The following FAM234B variants were observed in gnomAD, a reference collection of about 807,000 sequenced individuals.
The protein encoded by FAM234B is protein FAM234B.
Under a neutral mutation model 69.3 loss-of-function variants are expected in FAM234B, and 33 were observed. That is an observed-to-expected ratio of 0.48 (90% confidence interval 0.36 to 0.64). FAM234B has a LOEUF of 0.64. Among genes scored for constraint, FAM234B ranks in the 30% least tolerant of loss-of-function variants. The pLI, the probability that FAM234B is intolerant of heterozygous loss-of-function variation, is 0.00. For synonymous variants in FAM234B, 306 were observed against 306.9 expected (o/e 1.00, Z 0.03); for missense variants, 697 against 769.7 (o/e 0.91, Z 1.12).
rs139738564 is a variant in FAM234B at position 13,061,759 on chromosome 12, G to A, written c.717G>A (p.Thr239=). The part of the protein sequence containing the change: ...THKMLSAFNA[T]SGKAIWTLNP... ...AGATGCTCAGCGCATTCAATGCAACGTCAGGTAAATACCATTTACCACAAA... is the reference window on the plus strand; with the variant it reads ...AGATGCTCAGCGCATTCAATGCAACATCAGGTAAATACCATTTACCACAAA... The change falls in exon 4 of 13, where the codon ACG becomes ACA. Residue 239 remains threonine, a synonymous_variant. Coordinates refer to ENST00000197268, the MANE Select transcript of FAM234B (RefSeq NM_020853.2). The A allele has an allele frequency of 2.2e-4, 359 of 1,613,488 alleles. No individual in the cohort carries two copies. In the African/African-American group the frequency reaches 2.7e-3, roughly 12 times the overall value.
intron 3 of FAM234B, among the ~76,000 whole-genome samples, chr12:13,059,822 C>T (rs1367877418): frequency 1.3e-5 from 2 of 152,146 alleles, no homozygotes; most frequent in African/African-American, 4.8e-5. Context: ...CTGCCCGTGA[C>T]TTCTGAAGTA....
intron 9 of FAM234B, among the ~76,000 whole-genome samples, chr12:13,070,262 G>A (rs900734172): frequency 6.7e-6 from 1 of 149,290 alleles, no homozygotes; most frequent in African/African-American, 2.5e-5. Flanking sequence ...AGTGTCTCTA[G>A]ACTTCTCTTT....
chr12:13,055,974 C>A (rs537776416), intron 2 of FAM234B, 28 bp downstream of exon 2: 2 of 1,511,250 alleles, frequency 1.3e-6, no homozygotes, highest in East Asian at 2.3e-5. Flanking sequence ...CAGCCCTAAT[C>A]CTGTGAAACT....
chr12:13,077,318 G>A (rs1435366010), intron 11 of FAM234B, among the ~76,000 whole-genome samples: 2 of 151,498 alleles, frequency 1.3e-5, no homozygotes, highest in African/African-American at 4.9e-5. Flanking sequence ...TGTGCACAAT[G>A]TGCAGGTTAG....
chr12:13,059,651 G>C (rs1316957322), intron 3 of FAM234B, among the ~76,000 whole-genome samples: 1 of 152,148 alleles, frequency 6.6e-6, no homozygotes, highest in Non-Finnish European at 1.5e-5. Context: ...ACATGTCTAG[G>C]TGTGTTTTAG....
intron 9 of FAM234B, among the ~76,000 whole-genome samples, chr12:13,069,195 G>C (rs1010769992): frequency 1.3e-5 from 2 of 152,190 alleles, no homozygotes; most frequent in African/African-American, 4.8e-5. Context: ...CCCAGAGACA[G>C]AAAGGATAGA....
rs375966263 is a variant in FAM234B at position 13,080,612 on chromosome 12, T to G, written c.1864-13T>G. ...TGAAAAACAATAAAGTCACGATAAC[T>G]CTTTTTCCATAGATCTAATCTGATG... On this transcript the variant is annotated splice_polypyrimidine_tract_variant and intron_variant, in intron 12 of 12. Coordinates refer to ENST00000197268, the MANE Select transcript of FAM234B (RefSeq NM_020853.2). 1 of 1,603,890 alleles carries G rather than the reference T, an allele frequency of 6.2e-7. No individual in the cohort carries two copies. The highest frequency in any genetic ancestry group is 8.5e-7 in the Non-Finnish European group (1 of 1,170,844).
chr12:13,076,290 C>T (rs1865159875), intron 11 of FAM234B, 147 bp downstream of exon 11: 1 of 683,720 alleles, frequency 1.5e-6, no homozygotes, highest in East Asian at 2.7e-5. Context: ...TCCCTGGTGC[C>T]TCTTTGCTGG....
At chr12:13,058,355 C>T in intron 2 of FAM234B, 96 bp from the exon 3 acceptor site, 1 of 921,402 alleles carries the variant, frequency 1.1e-6, no homozygotes, top group South Asian at 1.3e-5. Context: ...AGTCGAGGAA[C>T]TGGAGTCTGC....
rs1034078982 is a variant in FAM234B, at chr12:13,044,870, C to G, written c.37+430C>G. 3.3e-5 allele frequency among the ~76,000 whole-genome samples: 5 copies of G among 152,218 alleles called. No homozygotes were observed. Among genetic ancestry groups the G allele is most frequent in the African/African-American group, 1.2e-4 (5 of 41,456 alleles). On this transcript the variant is annotated intron_variant, in intron 1 of 12. Transcript: ENST00000197268. The surrounding 1 kb of genome is among the most constrained non-coding windows in gnomAD (Gnocchi z 5.6). ...GCGAGTGGCCCTCTGTGGATCATCCCCTCCACCTAACGGCAGCAACGACGC... is the reference window on the plus strand; with the variant it reads ...GCGAGTGGCCCTCTGTGGATCATCCGCTCCACCTAACGGCAGCAACGACGC...
chr12:13,056,479 T>C (rs935036778), intron 2 of FAM234B, among the ~76,000 whole-genome samples: 7 of 152,186 alleles, frequency 4.6e-5, no homozygotes, highest in African/African-American at 1.7e-4. Context: ...CTTTTTGGAG[T>C]AGGCTTCTTT....
chr12:13,077,017 G>A (rs1865169565), intron 11 of FAM234B, among the ~76,000 whole-genome samples: 1 of 152,166 alleles, frequency 6.6e-6, no homozygotes, highest in African/African-American at 2.4e-5. Context: ...GCTGCAGCTG[G>A]TGTTTGTAGC....
intron 1 of FAM234B, among the ~76,000 whole-genome samples, chr12:13,045,342 T>G (rs767589435): frequency 6.6e-6 from 1 of 152,210 alleles, no homozygotes; most frequent in Non-Finnish European, 1.5e-5. Flanking sequence ...TTAGAAAAAT[T>G]GATGGCTCTA....
chr12:13,052,161 T>G (rs938036919), intron 1 of FAM234B, among the ~76,000 whole-genome samples: 2 of 152,158 alleles, frequency 1.3e-5, no homozygotes, highest in Non-Finnish European at 2.9e-5. Flanking sequence ...AAATTAAAAC[T>G]AGGACAGATA....
chr12:13,055,438 G>C lies in FAM234B; in HGVS notation c.38-113G>C, dbSNP rs1012255242. ...AAGGTTCAAACTTGATGTAAACCTG[G>C]ATTTTTTTGTTTTAGTTTTCCGTGT... On this transcript the variant is annotated intron_variant, in intron 1 of 12. Coordinates refer to ENST00000197268, the MANE Select transcript of FAM234B (RefSeq NM_020853.2). 5.2e-5 allele frequency: 56 copies of C among 1,080,684 alleles called. No individual in the cohort carries two copies. In the African/African-American group the frequency reaches 8.2e-4, roughly 16 times the overall value. 66.9% of individuals were successfully genotyped at this position (1,080,684 alleles called of 1,614,324 possible). A position where few individuals can be genotyped will look rare whatever the true frequency, so the allele number is the denominator to read the frequency against.
chr12:13,055,944 G>T lies in FAM234B; in HGVS notation c.431G>T (p.Gly144Val). The change falls in exon 2 of 13, where the codon GGA becomes GTA. Residue 144 changes from glycine (G) to valine (V), a missense_variant and splice_region_variant. Gly to Val is a moderately radical substitution (Grantham distance 109, BLOSUM62 -3). Transcript: ENST00000197268. ...TGGAGCCGCCACTTGGGCTCCCAGG[G>T]AGGTGAGCTGCAGAATCTTCAGCCC... is the stretch of plus-strand genomic sequence containing the variant. ...STWSRHLGSQGGGDLSPLELA... is the reference protein window; with the variant it reads ...STWSRHLGSQVGGDLSPLELA... 6.4e-7 allele frequency: 1 copy of T among 1,551,990 alleles called. No individual in the cohort carries two copies. The highest frequency in any genetic ancestry group is 8.7e-7 in the Non-Finnish European group (1 of 1,150,178).
At chr12:13,061,493 C>T in intron 3 of FAM234B, 82 bp from the exon 4 acceptor site, 1 of 1,178,614 alleles carries the variant, frequency 8.5e-7, no homozygotes, top group Non-Finnish European at 1.2e-6. Context: ...CATCCACTTG[C>T]AGTTTTCTGG....
rs367831019 is a variant in FAM234B, at chr12:13,079,875, G to A, written c.1729G>A (p.Val577Ile). The change falls in exon 12 of 13, where the codon GTC becomes ATC. Residue 577 changes from valine to isoleucine, a missense_variant. Physicochemically the swap from Val to Ile is conservative, Grantham distance 29. Around this residue, in one of 3 missense-constraint regions of FAM234B, gnomAD observed 313 missense variants for 305.5 expected, o/e 1.02. Coordinates refer to ENST00000197268, the MANE Select transcript of FAM234B (RefSeq NM_020853.2). ...SSEGHPAALV[V>I]SKLSLRWALM... ...CGAAGGCCATCCAGCAGCCCTGGTGGTCAGCAAGCTTAGTCTACGGTGGGC... is the reference window on the plus strand; with the variant it reads ...CGAAGGCCATCCAGCAGCCCTGGTGATCAGCAAGCTTAGTCTACGGTGGGC... 1.6e-5 allele frequency: 26 copies of A among 1,614,012 alleles called. No homozygotes were observed. Among genetic ancestry groups the A allele is most frequent in the Non-Finnish European group, 2.1e-5 (25 of 1,180,010 alleles).
intron 9 of FAM234B, among the ~76,000 whole-genome samples, chr12:13,070,453 G>A (rs1263078500): frequency 6.6e-6 from 1 of 152,072 alleles, no homozygotes; most frequent in East Asian, 1.9e-4. Flanking sequence ...TGTCCAAAGA[G>A]GTTAGGTCCT....
Sources: allele counts gnomAD v4.1 joint callset (sites outside exome capture counted in the v4.1 genomes callset), GRCh38; gene constraint gnomAD v4.1.1; regional missense constraint gnomAD v4.1.1; non-coding constraint Gnocchi (gnomAD v3.1); transcripts MANE v1.5; gene names NCBI Gene and HGNC (gene_info 2026-07-23, HGNC 2026-07-21).